ADAMTS12: variants seen among roughly 807,000 people sequenced by gnomAD.
ADAMTS12 encodes the protein A disintegrin and metalloproteinase with thrombospondin motifs 12.
In ADAMTS12, 118 loss-of-function variants were observed where a neutral mutation model predicts 167.8. The observed-to-expected ratio is 0.70, with a 90% CI of 0.61 to 0.82. ADAMTS12 has a LOEUF of 0.82. ADAMTS12 is among the 40% of genes least tolerant of loss of function. ADAMTS12 has a pLI of 0.00. For missense variants in ADAMTS12, 1,916 were observed against 1,998.8 expected, an observed-to-expected ratio of 0.96 and a Z score of 0.79; for synonymous variants, 704 against 716.9, an observed-to-expected ratio of 0.98 and a Z score of 0.29.
chr5:33,835,120 G>C (rs890959560), intron 2 of ADAMTS12, among the ~76,000 whole-genome samples: 5 of 152,202 alleles, frequency 3.3e-5, no homozygotes, highest in African/African-American at 1.2e-4. Context: ...TTTTAGAAAT[G>C]AGGAAACAGA....
chr5:33,853,402 T>G (rs916005478), intron 2 of ADAMTS12, among the ~76,000 whole-genome samples: 3 of 152,130 alleles, frequency 2.0e-5, no homozygotes, highest in East Asian at 3.9e-4. Flanking sequence ...AGACAAGAAT[T>G]AAAGAGCATG....
chr5:33,815,260 A>T (rs1747604238), intron 2 of ADAMTS12, among the ~76,000 whole-genome samples: 1 of 152,178 alleles, frequency 6.6e-6, no homozygotes, highest in Non-Finnish European at 1.5e-5. Context: ...TTCCCATTAA[A>T]GTCATAGATT....
At chr5:33,577,292 G>A in intron 18 of ADAMTS12, 132 bp from the exon 19 acceptor site, 1 of 1,312,122 alleles carries the variant, frequency 7.6e-7, no homozygotes, top group Non-Finnish European at 1.0e-6. Flanking sequence ...ATCTACATTT[G>A]GTTTCTGTGC....
chr5:33,791,073 G>C (rs1237645835), intron 2 of ADAMTS12, among the ~76,000 whole-genome samples: 1 of 152,062 alleles, frequency 6.6e-6, no homozygotes, highest in Non-Finnish European at 1.5e-5. Context: ...CCAGGAGATG[G>C]AGGACAAGGC....
chr5:33,696,608 G>C (rs1579847465), intron 3 of ADAMTS12, among the ~76,000 whole-genome samples: 1 of 152,138 alleles, frequency 6.6e-6, no homozygotes, highest in African/African-American at 2.4e-5. Flanking sequence ...ATGGAGTTCA[G>C]GGATAGTGTC....
intron 14 of ADAMTS12, among the ~76,000 whole-genome samples, chr5:33,617,083 T>G (rs1184471769): frequency 6.6e-6 from 1 of 152,136 alleles, no homozygotes; most frequent in Non-Finnish European, 1.5e-5. Context: ...CTCTATGAGT[T>G]TCATTGATTC....
chr5:33,850,495 G>A (rs1749182675), intron 2 of ADAMTS12, among the ~76,000 whole-genome samples: 1 of 152,148 alleles, frequency 6.6e-6, no homozygotes, highest in Non-Finnish European at 1.5e-5. Flanking sequence ...CAGAGCTAAT[G>A]ACTGAAATCT....
chr5:33,747,539 G>C (rs1355070463), intron 3 of ADAMTS12, among the ~76,000 whole-genome samples: 1 of 152,104 alleles, frequency 6.6e-6, no homozygotes. Flanking sequence ...ACTACTGGGT[G>C]GAATGAACCC....
At chr5:33,611,112 GA>G (rs887916551) in intron 16 of ADAMTS12, among the ~76,000 whole-genome samples, 1 of 151,760 alleles carries the variant, frequency 6.6e-6, no homozygotes, top group African/African-American at 2.4e-5. Context: ...AATGTTGAGG[GA>G]AAAAAAAGAC....
intron 2 of ADAMTS12, 112 bp downstream of exon 2, chr5:33,881,007 A>G: frequency 1.4e-6 from 2 of 1,464,044 alleles, no homozygotes; most frequent in Non-Finnish European, 1.8e-6. Flanking sequence ...ATCACATCAC[A>G]GGGGTTCAAC....
intron 2 of ADAMTS12, among the ~76,000 whole-genome samples, chr5:33,809,218 G>C (rs1228976088): frequency 1.3e-5 from 2 of 152,140 alleles, no homozygotes; most frequent in South Asian, 4.1e-4. Context: ...GATGCAGTAG[G>C]TCTGGGATAG....
chr5:33,649,025 T>C (rs746257880), intron 8 of ADAMTS12, 59 bp from the exon 9 acceptor site: 8 of 1,584,882 alleles, frequency 5.0e-6, no homozygotes, highest in Non-Finnish European at 6.0e-6. Flanking sequence ...ACCTTCAGCC[T>C]TTCATTCAAC....
intron 5 of ADAMTS12, among the ~76,000 whole-genome samples, chr5:33,669,461 T>G (rs1741592982): frequency 6.6e-6 from 1 of 152,202 alleles, no homozygotes; most frequent in Non-Finnish European, 1.5e-5. Flanking sequence ...TCATGTAGGA[T>G]ATGTCATTAG....
At chr5:33,610,465 T>C (rs1738677560) in intron 16 of ADAMTS12, among the ~76,000 whole-genome samples, 1 of 152,138 alleles carries the variant, frequency 6.6e-6, no homozygotes, top group Admixed American at 6.6e-5. Context: ...AGTAGACACA[T>C]GATGTCCAAG....
intron 2 of ADAMTS12, among the ~76,000 whole-genome samples, chr5:33,823,862 A>T (rs1747958285): frequency 6.6e-6 from 1 of 152,184 alleles, no homozygotes; most frequent in Admixed American, 6.5e-5. Context: ...AGAATAAAAA[A>T]TAGGGTGAAT....
In ADAMTS12 at chr5:33,683,005, G is replaced by GA. The variant is rs775779189; in HGVS notation, c.915+12dup. ...AGGACATATAGCAGAAGAGTGAAGG[G>GA]AAAAAATGTTACCTCTTCTTCTTCG... is the stretch of plus-strand genomic sequence containing the variant. On this transcript the variant is annotated intron_variant, in intron 5 of 23. Coordinates refer to ENST00000504830, the MANE Select transcript of ADAMTS12 (RefSeq NM_030955.4). 5 of 1,610,222 alleles carry GA rather than the reference G, an allele frequency of 3.1e-6. No individual in the cohort carries two copies. In the East Asian group the frequency reaches 1.1e-4, roughly 36 times the overall value.
intron 1 of ADAMTS12, among the ~76,000 whole-genome samples, chr5:33,881,741 T>G (rs1376104943): frequency 2.0e-5 from 3 of 150,996 alleles, no homozygotes; most frequent in East Asian, 3.9e-4. Flanking sequence ...TTTGTTTTTT[T>G]TTTTTTTTTT....
chr5:33,889,551 T>C (rs1361926598), intron 1 of ADAMTS12, among the ~76,000 whole-genome samples: 1 of 152,192 alleles, frequency 6.6e-6, no homozygotes, highest in Non-Finnish European at 1.5e-5. Flanking sequence ...TGACTTTCCT[T>C]CTTAATTCTA....
chr5:33,819,948 T>C (rs1747809891), intron 2 of ADAMTS12, among the ~76,000 whole-genome samples: 1 of 152,182 alleles, frequency 6.6e-6, no homozygotes. Context: ...ATTTTGTATT[T>C]GTGATTATCT....
Sources: allele counts gnomAD v4.1 joint callset (sites outside exome capture counted in the v4.1 genomes callset), GRCh38; gene constraint gnomAD v4.1.1; transcripts MANE v1.5; gene names NCBI Gene and HGNC (gene_info 2026-07-23, HGNC 2026-07-21).